XKR4: variants seen among roughly 807,000 people sequenced by gnomAD.
The protein encoded by XKR4 is XK-related protein 4.
A neutral mutation model predicts 53.9 loss-of-function variants in XKR4; 12 were observed. The observed-to-expected ratio is 0.22, with a 90% CI of 0.14 to 0.36. The LOEUF is 0.36. Among genes scored for constraint, XKR4 ranks in the 10% least tolerant of loss-of-function variants. The pLI, the probability that XKR4 is intolerant of heterozygous loss-of-function variation, is 1.00. For missense variants in XKR4, 799 were observed against 859.5 expected (o/e 0.93, Z 0.88); for synonymous variants, 354 against 362.4 (o/e 0.98, Z 0.26).
At chr8:55,164,284 A>T (rs1339466659) in intron 1 of XKR4, 2 of 456,002 alleles carry the variant, frequency 4.4e-6, no homozygotes, top group African/African-American at 4.0e-5. Flanking sequence ...ACCCTCGTCC[A>T]TTCTCCTAGT....
At chr8:55,303,459 T>C (rs1288686114) in intron 1 of XKR4, among the ~76,000 whole-genome samples, 1 of 152,160 alleles carries the variant, frequency 6.6e-6, no homozygotes, top group Admixed American at 6.5e-5. Context: ...TAAAATTCTC[T>C]TTTTTGGTTG....
chr8:55,338,342 A>G (rs763401297), intron 1 of XKR4, among the ~76,000 whole-genome samples: 14 of 152,156 alleles, frequency 9.2e-5, no homozygotes, highest in Non-Finnish European at 2.1e-4. Context: ...CTGTGACAAG[A>G]GCTAGTGTGC....
At chr8:55,230,183 G>C (rs539564153) in intron 1 of XKR4, among the ~76,000 whole-genome samples, 1 of 152,022 alleles carries the variant, frequency 6.6e-6, no homozygotes, top group Non-Finnish European at 1.5e-5. Flanking sequence ...CCAGTGACTC[G>C]TTATGGCTTA....
intron 1 of XKR4, among the ~76,000 whole-genome samples, chr8:55,191,636 C>G (rs1434553961): frequency 6.6e-6 from 1 of 151,562 alleles, no homozygotes; most frequent in Non-Finnish European, 1.5e-5. Flanking sequence ...GACACGCTTC[C>G]ATTTCCCAGT....
chr8:55,275,648 A>G (rs1208527715), intron 1 of XKR4, among the ~76,000 whole-genome samples: 1 of 152,216 alleles, frequency 6.6e-6, no homozygotes, highest in Non-Finnish European at 1.5e-5. Context: ...GCCATAAAAT[A>G]CTTTTTGTTA....
At chr8:55,224,431 G>A (rs1447230645) in intron 1 of XKR4, among the ~76,000 whole-genome samples, 4 of 152,172 alleles carry the variant, frequency 2.6e-5, no homozygotes, top group Admixed American at 2.6e-4. Flanking sequence ...TTTGGCTCTT[G>A]TGTAGTCTAC....
intron 1 of XKR4, among the ~76,000 whole-genome samples, chr8:55,264,055 C>G (rs1818566797): frequency 6.6e-6 from 1 of 152,160 alleles, no homozygotes; most frequent in Non-Finnish European, 1.5e-5. Context: ...TAATGTCTCC[C>G]AAATCTCCCT....
chr8:55,353,359 A>G (rs1170547082), intron 1 of XKR4, among the ~76,000 whole-genome samples: 5 of 152,236 alleles, frequency 3.3e-5, no homozygotes, highest in Admixed American at 3.3e-4. Context: ...ACAGACACAC[A>G]CACAGGGAGA....
At chr8:55,129,002 A>G (rs992220066) in intron 1 of XKR4, among the ~76,000 whole-genome samples, 2 of 152,194 alleles carry the variant, frequency 1.3e-5, no homozygotes, top group South Asian at 2.1e-4. Flanking sequence ...CATCAGCACA[A>G]CCACAGGAGA....
At chr8:55,440,872 A>G (rs990197002) in intron 2 of XKR4, among the ~76,000 whole-genome samples, 1 of 152,134 alleles carries the variant, frequency 6.6e-6, no homozygotes, top group African/African-American at 2.4e-5. Flanking sequence ...ATGATTAAAA[A>G]AGATAGCTGG....
At chr8:55,441,064 CAAA>C (rs10598855) in intron 2 of XKR4, among the ~76,000 whole-genome samples, 36,331 of 118,924 alleles carry the variant, frequency 0.31, 4,525 homozygotes, top group Non-Finnish European at 0.37. Context: ...CTCATCTCTA[CAAA>C]AAAAAAAAAA....
At chr8:55,493,395 T>C (rs1247042655) in intron 2 of XKR4, among the ~76,000 whole-genome samples, 1 of 152,210 alleles carries the variant, frequency 6.6e-6, no homozygotes, top group East Asian at 1.9e-4. Context: ...CTGGCACTAT[T>C]GCAATAGTCT....
At chr8:55,124,208 C>T (rs1412071641) in intron 1 of XKR4, among the ~76,000 whole-genome samples, 1 of 152,206 alleles carries the variant, frequency 6.6e-6, no homozygotes, top group Non-Finnish European at 1.5e-5. Context: ...ACGCTGCTCA[C>T]TCTCCATGTG....
chr8:55,144,644 C>G (rs1445035411), intron 1 of XKR4, among the ~76,000 whole-genome samples: 2 of 151,828 alleles, frequency 1.3e-5, no homozygotes, highest in African/African-American at 4.8e-5. Flanking sequence ...AAGTCATAGA[C>G]AAAACAAAAC....
intron 1 of XKR4, among the ~76,000 whole-genome samples, chr8:55,114,398 C>T (rs1263468737): frequency 6.6e-6 from 1 of 151,948 alleles, no homozygotes; most frequent in Non-Finnish European, 1.5e-5. Flanking sequence ...ATTGAGAGCA[C>T]CAGTGGGGTC....
At chr8:55,465,592 T>C (rs1437402735) in intron 2 of XKR4, among the ~76,000 whole-genome samples, 1 of 151,500 alleles carries the variant, frequency 6.6e-6, no homozygotes, top group East Asian at 1.9e-4. Flanking sequence ...ACTTCATGTC[T>C]AAAACACCAA....
chr8:55,294,600 T>A (rs1819076203), intron 1 of XKR4, among the ~76,000 whole-genome samples: 1 of 152,202 alleles, frequency 6.6e-6, no homozygotes, highest in African/African-American at 2.4e-5. Flanking sequence ...GAGGGGCAAT[T>A]AACTGCTGAC....
intron 1 of XKR4, among the ~76,000 whole-genome samples, chr8:55,182,849 A>C (rs1342621290): frequency 6.6e-6 from 1 of 152,142 alleles, no homozygotes; most frequent in African/African-American, 2.4e-5. Context: ...TTTGATTGGA[A>C]TTGTGTAGAT....
At chr8:55,471,290 A>T (rs1380995022) in intron 2 of XKR4, among the ~76,000 whole-genome samples, 1 of 152,108 alleles carries the variant, frequency 6.6e-6, no homozygotes, top group Non-Finnish European at 1.5e-5. Flanking sequence ...AGAGACTATT[A>T]CCTAGGACAA....
Sources: gnomAD v4.1 joint callset for allele counts (sites outside exome capture counted in the v4.1 genomes callset) on GRCh38, gnomAD v4.1.1 for gene constraint, MANE v1.5 for transcripts, NCBI Gene and HGNC (gene_info 2026-07-23, HGNC 2026-07-21) for gene names.